COL3A1: variants seen among roughly 807,000 people sequenced by gnomAD.
COL3A1 encodes the protein collagen alpha-1(III) chain.
COL3A1 carries 46 observed loss-of-function variants against 200.9 expected under a neutral mutation model. The observed-to-expected ratio is 0.23, with a 90% CI of 0.18 to 0.29. COL3A1 has a LOEUF of 0.29. Ranked by LOEUF, COL3A1 falls within the 10% of genes least tolerant of loss-of-function variation. COL3A1 has a pLI of 1.00. For missense variants in COL3A1, 1,367 were observed against 1,917.6 expected, an observed-to-expected ratio of 0.71 and a Z score of 5.36; for synonymous variants, 650 against 628.0, an observed-to-expected ratio of 1.03 and a Z score of -0.52.
chr2:188,982,128 A>C (rs1347193800), intron 1 of COL3A1, among the ~76,000 whole-genome samples: 1 of 151,678 alleles, frequency 6.6e-6, no homozygotes, highest in Non-Finnish European at 1.5e-5. Context: ...TGTCATGTGC[A>C]GGTGAGAAGA....
chr2:189,011,379 G>A (rs1688720496), intron 50 of COL3A1, among the ~76,000 whole-genome samples: 1 of 152,176 alleles, frequency 6.6e-6, no homozygotes, highest in East Asian at 1.9e-4. Flanking sequence ...GGCCTCCTGA[G>A]GATGCACTGG....
In COL3A1 at chr2:188,994,461, T is replaced by C. The variant is rs28763877; in HGVS notation, c.1294-80T>C. Reference sequence around the variant, plus strand: ...GACTTCACTCTTGTCTTATAACTTATAACTGAATTATGTGTTACTGGTGAT... The same window carrying C: ...GACTTCACTCTTGTCTTATAACTTACAACTGAATTATGTGTTACTGGTGAT... On this transcript the variant is annotated intron_variant, in intron 18 of 50. Coordinates refer to ENST00000304636, the MANE Select transcript of COL3A1 (RefSeq NM_000090.4). This position sits in a 1 kb window ranked among gnomAD's most constrained non-coding sequence, Gnocchi z 4.5. 4.8e-5 allele frequency: 75 copies of C among 1,575,736 alleles called. No homozygotes were observed. The highest frequency in any genetic ancestry group is 6.3e-5 in the Non-Finnish European group (72 of 1,145,738).
chr2:189,000,130 C>G (rs1489263530), intron 32 of COL3A1, among the ~76,000 whole-genome samples: 1 of 152,168 alleles, frequency 6.6e-6, no homozygotes, highest in Non-Finnish European at 1.5e-5. Context: ...AGGTCACAAA[C>G]TAGCATTTGT....
chr2:188,984,981 T>G lies in COL3A1; in HGVS notation c.282+19T>G. 1 of 1,606,256 alleles carries G rather than the reference T, an allele frequency of 6.2e-7. No individual in the cohort carries two copies. Among genetic ancestry groups the G allele is most frequent in the South Asian group, 1.1e-5 (1 of 90,858 alleles). On this transcript the variant is annotated intron_variant, in intron 2 of 50. Coordinates refer to ENST00000304636, the MANE Select transcript of COL3A1 (RefSeq NM_000090.4). ...AACTGCTGTGAGTTTAAAGATAAAC[T>G]GTACATCTTCAATATTCATATTTAG... is the stretch of plus-strand genomic sequence containing the variant.
chr2:189,002,138 T>C (rs1305073709), intron 34 of COL3A1, among the ~76,000 whole-genome samples, 160 bp from the exon 35 acceptor site: 1 of 152,210 alleles, frequency 6.6e-6, no homozygotes, highest in African/African-American at 2.4e-5. Flanking sequence ...TTTCCACTCC[T>C]AATTTTATTG....
At position 189,005,398 on chromosome 2, in the gene COL3A1, C is replaced by G. The variant is rs142457159; in HGVS notation, c.2980C>G (p.Pro994Ala). 2.0e-5 allele frequency: 32 copies of G among 1,613,898 alleles called. No homozygotes were observed. Among genetic ancestry groups the G allele is most frequent in the Non-Finnish European group, 2.6e-5 (31 of 1,179,944 alleles). The stretch of plus-strand genomic sequence containing the variant: ...TAACGGTCTCAGTGGAGAACGTGGT[C>G]CCCCTGGACCCCAGGGTCTTCCTGG... ...GANGLSGERG[P>A]PGPQGLPGLA... The change falls in exon 41 of 51, where the codon CCC becomes GCC. Residue 994 changes from proline (P) to alanine (A), a missense_variant. Pro to Ala is a conservative substitution (Grantham distance 27, BLOSUM62 -1). Coordinates refer to ENST00000304636, the MANE Select transcript of COL3A1 (RefSeq NM_000090.4).
At chr2:189,008,715 T>A (rs1688650709) in intron 47 of COL3A1, 1 of 613,980 alleles carries the variant, frequency 1.6e-6, no homozygotes, top group African/African-American at 1.8e-5. Flanking sequence ...TCTTACATAG[T>A]GGAACAATAT....
At chr2:188,996,095 A>G in intron 22 of COL3A1, 30 bp from the exon 23 acceptor site, 1 of 1,606,276 alleles carries the variant, frequency 6.2e-7, no homozygotes, top group Non-Finnish European at 8.5e-7. Flanking sequence ...TTCATTTTAA[A>G]TCACCTAACA....
intron 1 of COL3A1, among the ~76,000 whole-genome samples, chr2:188,975,709 AATGAAATG>A (rs1312592764): frequency 1.3e-5 from 2 of 152,166 alleles, no homozygotes; most frequent in Non-Finnish European, 2.9e-5. Context: ...GTAGATATAC[AATGAAATG>A]TCTTCAGTTA....
intron 29 of COL3A1, 53 bp from the exon 30 acceptor site, chr2:188,999,232 T>C: frequency 2.0e-6 from 3 of 1,494,582 alleles, no homozygotes; most frequent in South Asian, 1.2e-5. Flanking sequence ...TTAAGGTGCT[T>C]TGTTTTTAGC....
At chr2:189,011,078 C>A (rs1688714431) in intron 50 of COL3A1, among the ~76,000 whole-genome samples, 188 bp downstream of exon 50, 1 of 152,118 alleles carries the variant, frequency 6.6e-6, no homozygotes, top group African/African-American at 2.4e-5. Context: ...GGATCTTAGC[C>A]TCCAGATGAA....
intron 1 of COL3A1, among the ~76,000 whole-genome samples, chr2:188,981,480 A>G (rs1687951665): frequency 6.6e-6 from 1 of 151,596 alleles, no homozygotes; most frequent in Non-Finnish European, 1.5e-5. Context: ...AACAACTAAA[A>G]TAATGGAAAT....
Position 189,012,192 on chromosome 2 carries a change from T to TG in COL3A1, c.*420dup, listed in dbSNP as rs373559962. ...CCCTCCCTATTTTAACTACCTCAAC[T>TG]GGTCAGAAACACAGATTGTATTCTA... is the stretch of plus-strand genomic sequence containing the variant. On this transcript the variant is annotated 3_prime_UTR_variant, in exon 51 of 51. Transcript: ENST00000304636. 12 of 176,102 alleles carry TG rather than the reference T, an allele frequency of 6.8e-5. No individual in the cohort carries two copies. Among genetic ancestry groups the TG allele is most frequent in the Middle Eastern group, 2.9e-3 (1 of 350 alleles). 10.9% of individuals were successfully genotyped at this position (176,102 alleles called of 1,614,324 possible). A position where few individuals can be genotyped will look rare whatever the true frequency, so the allele number is the denominator to read the frequency against.
intron 1 of COL3A1, among the ~76,000 whole-genome samples, chr2:188,974,990 A>G (rs1026029585): frequency 2.6e-5 from 4 of 152,230 alleles, no homozygotes; most frequent in Non-Finnish European, 5.9e-5. Flanking sequence ...TGTTTTCTGA[A>G]TAAGAATGCC....
At position 189,004,122 on chromosome 2, in the gene COL3A1, G is replaced by A. The variant is rs113870310; in HGVS notation, c.2802G>A (p.Ser934=). 73 of 1,613,928 alleles carry A rather than the reference G, an allele frequency of 4.5e-5. 1 individual carries two copies. The highest frequency in any genetic ancestry group is 1.7e-4 in the Middle Eastern group (1 of 5,988). The change falls in exon 39 of 51, where the codon TCG becomes TCA. Residue 934 remains serine (S), a synonymous_variant. Coordinates refer to ENST00000304636, the MANE Select transcript of COL3A1 (RefSeq NM_000090.4). ...GDAGQPGEKG[S]PGAQGPPGAP... ...CTGGCCAACCAGGAGAGAAGGGATC[G>A]CCTGGTGCCCAGGGCCCACCAGTAA...
chr2:188,989,890 C>T (rs1330754861), intron 8 of COL3A1, among the ~76,000 whole-genome samples: 1 of 152,078 alleles, frequency 6.6e-6, no homozygotes, highest in Non-Finnish European at 1.5e-5. Context: ...TTAGAAGCAC[C>T]TGCATTATCT....
At chr2:189,006,544 C>T in intron 43 of COL3A1, 92 bp downstream of exon 43, 1 of 1,185,992 alleles carries the variant, frequency 8.4e-7, no homozygotes. Flanking sequence ...ATCTGCCAAC[C>T]AAAATATCCA....
intron 4 of COL3A1, among the ~76,000 whole-genome samples, chr2:188,986,418 A>G (rs1336510899): frequency 6.6e-6 from 1 of 152,090 alleles, no homozygotes; most frequent in Admixed American, 6.6e-5. Context: ...GCAATTCAAC[A>G]AGAACCAAAG....
At chr2:189,007,318 T>C (rs747985003) in intron 44 of COL3A1, among the ~76,000 whole-genome samples, 182 bp from the exon 45 acceptor site, 11 of 151,546 alleles carry the variant, frequency 7.3e-5, no homozygotes, top group Non-Finnish European at 1.5e-4. Flanking sequence ...ATCCATGCAA[T>C]GATCAGTCCA....
Sources: allele counts gnomAD v4.1 joint callset (sites outside exome capture counted in the v4.1 genomes callset), GRCh38; gene constraint gnomAD v4.1.1; non-coding constraint Gnocchi (gnomAD v3.1); transcripts MANE v1.5; gene names NCBI Gene and HGNC (gene_info 2026-07-23, HGNC 2026-07-21).